Variants in AHCYL2 observed in about 807,000 individuals in gnomAD.
AHCYL2 encodes the protein adenosylhomocysteinase like 2.
In AHCYL2, 28 loss-of-function variants were observed where a neutral mutation model predicts 81.4. The observed-to-expected ratio is 0.34, with a 90% CI of 0.25 to 0.47. The LOEUF (loss-of-function observed/expected upper bound fraction) is 0.47, where lower values mean the gene tolerates loss of function less well. Among genes scored for constraint, AHCYL2 ranks in the 20% least tolerant of loss-of-function variants. The probability of loss-of-function intolerance (pLI) is 1.00; values close to 1 mark genes in which losing one functional copy is unlikely to be tolerated. For synonymous variants in AHCYL2, 272 were observed against 290.2 expected (o/e 0.94, Z 0.64); for missense variants, 551 against 785.1 (o/e 0.70, Z 3.56).
intron 11 of AHCYL2, among the ~76,000 whole-genome samples, chr7:129,413,040 C>T (rs747035737): frequency 1.3e-5 from 2 of 150,900 alleles, no homozygotes; most frequent in Non-Finnish European, 2.9e-5. Context: ...GGGACTTTGC[C>T]ATGTTGCCCA....
chr7:129,375,877 G>T, intron 1 of AHCYL2: 2 of 1,536,076 alleles, frequency 1.3e-6, no homozygotes, highest in Non-Finnish European at 1.7e-6. Flanking sequence ...ACTATGCTGG[G>T]CAGCAAGAAG....
intron 1 of AHCYL2, among the ~76,000 whole-genome samples, chr7:129,292,855 C>T (rs1358070498): frequency 5.3e-5 from 8 of 152,108 alleles, no homozygotes; most frequent in Admixed American, 5.2e-4. Flanking sequence ...ATATTAGGAA[C>T]AAGTTATTTG....
At chr7:129,332,353 A>T (rs1416886746) in intron 1 of AHCYL2, among the ~76,000 whole-genome samples, 1 of 152,130 alleles carries the variant, frequency 6.6e-6, no homozygotes. Flanking sequence ...TCTGAGATAT[A>T]TTTCTGAGTT....
At chr7:129,346,424 G>A (rs896063939) in intron 1 of AHCYL2, among the ~76,000 whole-genome samples, 1 of 152,088 alleles carries the variant, frequency 6.6e-6, no homozygotes, top group Admixed American at 6.6e-5. Flanking sequence ...TATGAAAAGA[G>A]CTCTTAATAA....
At chr7:129,245,844 T>A in intron 1 of AHCYL2, among the ~76,000 whole-genome samples, 1 of 152,228 alleles carries the variant, frequency 6.6e-6, no homozygotes, top group Non-Finnish European at 1.5e-5. Flanking sequence ...GTCAATACTT[T>A]GAGTTCTGTT....
Position 129,368,452 on chromosome 7 carries a change from C to T in AHCYL2, c.364-11186C>T. On this transcript the variant is annotated intron_variant, in intron 1 of 16. Transcript: ENST00000325006. This position sits in a 1 kb window ranked among gnomAD's most constrained non-coding sequence, Gnocchi z 4.4. ...GATAACCCCAGTATTTCCAAACCAG[C>T]TTTCCCTTTTGCTTCAGGACATATC... is the stretch of plus-strand genomic sequence containing the variant. 6.2e-7 allele frequency: 1 copy of T among 1,613,876 alleles called. No homozygotes were observed.
chr7:129,378,419 C>T (rs1219110512), intron 1 of AHCYL2, among the ~76,000 whole-genome samples: 3 of 152,104 alleles, frequency 2.0e-5, no homozygotes, highest in Admixed American at 2.0e-4. Context: ...GAGCATTGAA[C>T]CGTAGGGGTT....
intron 1 of AHCYL2, among the ~76,000 whole-genome samples, chr7:129,266,701 C>T (rs114974917): frequency 1.1e-3 from 172 of 152,094 alleles, no homozygotes; most frequent in African/African-American, 4.0e-3. Flanking sequence ...ATACTGAGGG[C>T]GGGGAATAGG....
At chr7:129,412,563 G>C (rs558840461) in intron 11 of AHCYL2, among the ~76,000 whole-genome samples, 9 of 152,104 alleles carry the variant, frequency 5.9e-5, no homozygotes, top group Admixed American at 3.9e-4. Context: ...TTACAGTCAT[G>C]AGCCACTGCG....
intron 1 of AHCYL2, among the ~76,000 whole-genome samples, chr7:129,320,966 T>C (rs1797993698): frequency 1.3e-5 from 2 of 152,228 alleles, no homozygotes; most frequent in Non-Finnish European, 2.9e-5. Context: ...TGTATGGATA[T>C]ACATTTTGTT....
In AHCYL2 at chr7:129,240,479, A is replaced by G. The variant is rs369297387; in HGVS notation, c.363+15040A>G. Among the ~76,000 whole-genome samples, 46 of 152,274 alleles carry G rather than the reference A, an allele frequency of 3.0e-4. 1 individual carries two copies. The South Asian group carries it at 8.9e-3, about 30-fold the overall frequency. ...AAGTGTTCTCTCAAAGGTACTTTTA[A>G]CTGAGCCAGAAAATGAAGCAAAAAC... On this transcript the variant is annotated intron_variant, in intron 1 of 16. Coordinates refer to ENST00000325006, the MANE Select transcript of AHCYL2 (RefSeq NM_015328.4).
At chr7:129,282,689 C>T (rs2150741427) in intron 1 of AHCYL2, among the ~76,000 whole-genome samples, 1 of 152,036 alleles carries the variant, frequency 6.6e-6, no homozygotes, top group Admixed American at 6.5e-5. Flanking sequence ...TTTTCTTCTT[C>T]ATGGGTCATA....
At chr7:129,256,549 A>ACC (rs58653086) in intron 1 of AHCYL2, among the ~76,000 whole-genome samples, 3,962 of 63,356 alleles carry the variant, frequency 0.063, 106 homozygotes, top group East Asian at 0.17. Context: ...CCCACCCCCC[A>ACC]CCCCCCCCCC....
At chr7:129,236,435 A>G (rs1166423265) in intron 1 of AHCYL2, among the ~76,000 whole-genome samples, 1 of 152,066 alleles carries the variant, frequency 6.6e-6, no homozygotes, top group Non-Finnish European at 1.5e-5. Context: ...TCCTGACCTC[A>G]GGTGATCCGC....
At chr7:129,401,906 G>A (rs1796056136) in intron 6 of AHCYL2, among the ~76,000 whole-genome samples, 1 of 152,166 alleles carries the variant, frequency 6.6e-6, no homozygotes, top group African/African-American at 2.4e-5. Flanking sequence ...ATACCTGTTT[G>A]GATTCTGTCA....
chr7:129,263,144 CA>C (rs1208418450), intron 1 of AHCYL2, among the ~76,000 whole-genome samples: 1 of 152,182 alleles, frequency 6.6e-6, no homozygotes, highest in Non-Finnish European at 1.5e-5. Context: ...GTTGTGGTTA[CA>C]AACAGTCCCC....
At chr7:129,300,147 T>C (rs1421938956) in intron 1 of AHCYL2, among the ~76,000 whole-genome samples, 1 of 152,192 alleles carries the variant, frequency 6.6e-6, no homozygotes, top group African/African-American at 2.4e-5. Context: ...ATTACAATCC[T>C]ATTATACTCT....
chr7:129,286,119 G>A (rs183932606), intron 1 of AHCYL2, among the ~76,000 whole-genome samples: 438 of 152,236 alleles, frequency 2.9e-3, no homozygotes, highest in Middle Eastern at 0.017. Context: ...TCTTTCTTTG[G>A]AGGGTGAAAA....
Position 129,406,887 on chromosome 7 carries a change from AGG to A in AHCYL2, c.1295+423_1295+424del, listed in dbSNP as rs1428677716. Among the ~76,000 whole-genome samples the A allele has an allele frequency of 6.6e-6, 1 of 152,218 alleles. No homozygotes were observed. Among genetic ancestry groups the A allele is most frequent in the Non-Finnish European group, 1.5e-5 (1 of 68,038 alleles). On this transcript the variant is annotated intron_variant, in intron 10 of 16. Coordinates refer to ENST00000325006, the MANE Select transcript of AHCYL2 (RefSeq NM_015328.4). The surrounding 1 kb of genome is among the most constrained non-coding windows in gnomAD (Gnocchi z 4.3). ...GGAAACATTAGACCAATCCCAGTTA[AGG>A]GTAAAATCTACTAACTCTGAGTGAA...
Sources: allele counts gnomAD v4.1 joint callset (sites outside exome capture counted in the v4.1 genomes callset), GRCh38; gene constraint gnomAD v4.1.1; non-coding constraint Gnocchi (gnomAD v3.1); transcripts MANE v1.5; gene names NCBI Gene and HGNC (gene_info 2026-07-23, HGNC 2026-07-21).